The following DLG1 variants were observed in gnomAD, a reference collection of about 807,000 sequenced individuals.
DLG1 encodes the protein discs large MAGUK scaffold protein 1.
DLG1 carries 42 observed loss-of-function variants against 123.4 expected under a neutral mutation model. That is an observed-to-expected ratio of 0.34 (90% CI 0.27 to 0.44). The LOEUF is 0.44. Ranked by LOEUF, DLG1 falls within the 20% of genes least tolerant of loss-of-function variation. The pLI, the probability that DLG1 is intolerant of heterozygous loss-of-function variation, is 1.00. For synonymous variants in DLG1, 317 were observed against 356.2 expected (o/e 0.89, Z 1.24); for missense variants, 942 against 1,082.6 (o/e 0.87, Z 1.82).
At chr3:197,108,964 A>G (rs1768221076) in intron 13 of DLG1, among the ~76,000 whole-genome samples, 1 of 152,212 alleles carries the variant, frequency 6.6e-6, no homozygotes, top group African/African-American at 2.4e-5. Context: ...TATATTAAAT[A>G]GATATTTCCT....
intron 4 of DLG1, among the ~76,000 whole-genome samples, chr3:197,221,494 C>T (rs963810771): frequency 6.6e-6 from 1 of 151,316 alleles, no homozygotes; most frequent in African/African-American, 2.4e-5. Flanking sequence ...CACTGCACTC[C>T]AGCCTGGGTG....
intron 19 of DLG1, among the ~76,000 whole-genome samples, chr3:197,068,009 T>C (rs1308675119): frequency 6.6e-6 from 1 of 152,250 alleles, no homozygotes; most frequent in Non-Finnish European, 1.5e-5. Flanking sequence ...ATCAAGATCC[T>C]ATAACAATTT....
Position 197,176,826 on chromosome 3 carries a change from A to G in DLG1, c.483+17599T>C, listed in dbSNP as rs528750153. Among the ~76,000 whole-genome samples the G allele has an allele frequency of 3.3e-5, 5 of 152,286 alleles. No individual in the cohort carries two copies. In the South Asian group the frequency reaches 6.2e-4, roughly 19 times the overall value. On this transcript the variant is annotated intron_variant, in intron 5 of 24. Transcript: ENST00000667157. ...TTCATTTGGGCAAATACCAAGGAGTACAACTGCTGGATCGTATGGTCAATT... is the reference window on the plus strand; with the variant it reads ...TTCATTTGGGCAAATACCAAGGAGTGCAACTGCTGGATCGTATGGTCAATT...
At chr3:197,123,341 A>G (rs1777395302) in intron 11 of DLG1, among the ~76,000 whole-genome samples, 1 of 152,212 alleles carries the variant, frequency 6.6e-6, no homozygotes, top group Non-Finnish European at 1.5e-5. Flanking sequence ...AACTCAGTGA[A>G]GACATCTGCA....
rs115023055 is a variant in DLG1, at chr3:197,236,495, C to A, written c.319-41906G>T. Among the ~76,000 whole-genome samples, 226 of 152,296 alleles carry A rather than the reference C, an allele frequency of 1.5e-3. 1 individual carries two copies. The highest frequency in any genetic ancestry group is 2.7e-3 in the South Asian group (13 of 4,828). On this transcript the variant is annotated intron_variant, in intron 4 of 24. Coordinates refer to ENST00000667157, the MANE Select transcript of DLG1 (RefSeq NM_001366207.1). ...TCAAACACTGTGTGAATATTAACAA[C>A]TTTATTTGAACTACTGTTCAAAATG...
intron 11 of DLG1, among the ~76,000 whole-genome samples, chr3:197,128,105 AAAAGATT>A (rs1416195220): frequency 6.6e-6 from 1 of 152,212 alleles, no homozygotes; most frequent in Admixed American, 6.5e-5. Flanking sequence ...GTTCTTTTAC[AAAAGATT>A]TCCCTGAAGC....
In DLG1 at chr3:197,069,230, T is replaced by C; in HGVS notation, c.2036A>G (p.Glu679Gly). ...QHVTSNASDS[E>G]SSYRGQEEYV... ...CTTAAAACACTTACGGTAACTACTTTCACTATCGCTGGCATTAGAAGTTAC... is the reference window on the plus strand; with the variant it reads ...CTTAAAACACTTACGGTAACTACTTCCACTATCGCTGGCATTAGAAGTTAC... Residue 679 changes from glutamate to glycine, a missense_variant, in exon 19 of 25, where the codon GAA (glutamate) becomes GGA (glycine). Physicochemically the swap from Glu to Gly is moderately conservative, Grantham distance 98 (BLOSUM62 -2). Coordinates refer to ENST00000667157, the MANE Select transcript of DLG1 (RefSeq NM_001366207.1). The C allele has an allele frequency of 3.8e-6, 6 of 1,591,028 alleles. No individual in the cohort carries two copies. Among genetic ancestry groups the C allele is most frequent in the Non-Finnish European group, 5.1e-6 (6 of 1,168,158 alleles).
chr3:197,048,368 G>A (rs1348479393), intron 24 of DLG1, among the ~76,000 whole-genome samples: 1 of 152,162 alleles, frequency 6.6e-6, no homozygotes, highest in Non-Finnish European at 1.5e-5. Flanking sequence ...CTATTCAGGA[G>A]GCTGAGGCAT....
intron 4 of DLG1, among the ~76,000 whole-genome samples, chr3:197,274,092 T>C (rs1334186253): frequency 1.3e-5 from 2 of 151,986 alleles, no homozygotes; most frequent in African/African-American, 2.4e-5. Flanking sequence ...TTCATAGAAA[T>C]AGAAAAAACA....
At chr3:197,057,567 CT>C (rs1255353997) in intron 23 of DLG1, among the ~76,000 whole-genome samples, 6 of 151,892 alleles carry the variant, frequency 4.0e-5, no homozygotes, top group Admixed American at 1.3e-4. Context: ...ATCTGCACCC[CT>C]AACACTGTTA....
chr3:197,066,590 T>G (rs1411236791), intron 20 of DLG1, 114 bp downstream of exon 20: 1 of 630,296 alleles, frequency 1.6e-6, no homozygotes, highest in South Asian at 2.3e-5. Flanking sequence ...TACATGTATA[T>G]GTAGTAAAAA....
intron 4 of DLG1, among the ~76,000 whole-genome samples, chr3:197,270,779 A>G (rs570989350): frequency 6.6e-6 from 1 of 152,288 alleles, no homozygotes; most frequent in African/African-American, 2.4e-5. Flanking sequence ...TGATATTGTG[A>G]GCCTCCTGAT....
chr3:197,158,039 C>G (rs1209442347), intron 5 of DLG1, among the ~76,000 whole-genome samples: 1 of 152,170 alleles, frequency 6.6e-6, no homozygotes, highest in Non-Finnish European at 1.5e-5. Flanking sequence ...TCTGTAATCT[C>G]TGACAAGACA....
intron 6 of DLG1, among the ~76,000 whole-genome samples, chr3:197,149,283 T>C (rs1234267700): frequency 6.6e-6 from 1 of 152,176 alleles, no homozygotes; most frequent in African/African-American, 2.4e-5. Flanking sequence ...ATTCTGGAAC[T>C]TTCATATAAT....
chr3:197,123,938 A>C (rs1175276369), intron 11 of DLG1, among the ~76,000 whole-genome samples: 1 of 152,200 alleles, frequency 6.6e-6, no homozygotes, highest in African/African-American at 2.4e-5. Flanking sequence ...CCCTTACTGA[A>C]TATATGTTTT....
At chr3:197,148,301 A>G (rs373005261) in intron 6 of DLG1, among the ~76,000 whole-genome samples, 1 of 141,474 alleles carries the variant, frequency 7.1e-6, no homozygotes, top group Non-Finnish European at 1.5e-5. Flanking sequence ...TCCCAACTAC[A>G]TGGGAGGCTG....
At chr3:197,046,286 ACAGT>A (rs1180265088) in intron 24 of DLG1, among the ~76,000 whole-genome samples, 2 of 152,178 alleles carry the variant, frequency 1.3e-5, no homozygotes, top group East Asian at 1.9e-4. Context: ...TTAGGAGAAA[ACAGT>A]CAGGAACTGA....
intron 14 of DLG1, among the ~76,000 whole-genome samples, chr3:197,092,092 ATAG>A (rs1340387486): frequency 6.6e-6 from 1 of 152,228 alleles, no homozygotes; most frequent in Non-Finnish European, 1.5e-5. Context: ...AATAGCCTTA[ATAG>A]TAGAATGTAT....
At chr3:197,085,508 A>T in intron 16 of DLG1, 72 bp downstream of exon 16, 1 of 1,530,890 alleles carries the variant, frequency 6.5e-7, no homozygotes, top group Non-Finnish European at 9.0e-7. Context: ...TGTTGTCACA[A>T]ATTAAAAAAA....
Sources: gnomAD v4.1 joint callset for allele counts (sites outside exome capture counted in the v4.1 genomes callset) on GRCh38, gnomAD v4.1.1 for gene constraint, MANE v1.5 for transcripts, NCBI Gene and HGNC (gene_info 2026-07-23, HGNC 2026-07-21) for gene names.